CCDC192: variants seen among roughly 807,000 people sequenced by gnomAD.
CCDC192 encodes coiled-coil domain containing 192.
At chr5:127,880,465 G>A (rs1421060234) in intron 6 of CCDC192, among the ~76,000 whole-genome samples, 2 of 107,340 alleles carry the variant, frequency 1.9e-5, no homozygotes, top group African/African-American at 7.1e-5. Context: ...GGTGGGGGGA[G>A]GGGGGAGGGA....
intron 2 of CCDC192, among the ~76,000 whole-genome samples, chr5:127,708,635 A>G (rs1056791206): frequency 4.0e-5 from 6 of 151,850 alleles, no homozygotes; most frequent in Admixed American, 6.7e-5. Context: ...CTTTGTGATG[A>G]TAGCCAAGTC....
intron 6 of CCDC192, among the ~76,000 whole-genome samples, chr5:127,889,733 C>T (rs1432155856): frequency 6.6e-6 from 1 of 152,212 alleles, no homozygotes; most frequent in Non-Finnish European, 1.5e-5. Context: ...ATTGGCCTCC[C>T]TACCCCAGTT....
At chr5:127,929,563 T>C (rs1184520974) in intron 6 of CCDC192, among the ~76,000 whole-genome samples, 1 of 152,194 alleles carries the variant, frequency 6.6e-6, no homozygotes, top group Non-Finnish European at 1.5e-5. Context: ...TAAATCAAAA[T>C]AACTTGTACC....
At chr5:127,936,979 A>G (rs1754204456) in intron 6 of CCDC192, among the ~76,000 whole-genome samples, 1 of 152,178 alleles carries the variant, frequency 6.6e-6, no homozygotes, top group African/African-American at 2.4e-5. Flanking sequence ...GATTCTAGAA[A>G]ACTCACTGGG....
In CCDC192 at chr5:127,749,911, A is replaced by G. The variant is rs1462679862; in HGVS notation, c.115-4357A>G. On this transcript the variant is annotated intron_variant, in intron 2 of 6. Transcript: ENST00000514853. ...CTAGTTTATTTGCGTAGAGGTGTTT[A>G]TAGTATTCTCTGATGGTAGTTTGTA... 8.5e-5 allele frequency among the ~76,000 whole-genome samples: 13 copies of G among 152,176 alleles called. No homozygotes were observed. The East Asian group carries it at 2.3e-3, about 27-fold the overall frequency.
intron 2 of CCDC192, among the ~76,000 whole-genome samples, chr5:127,713,697 T>C (rs1751465570): frequency 6.6e-6 from 1 of 152,208 alleles, no homozygotes; most frequent in Non-Finnish European, 1.5e-5. Context: ...GATTTTTTCC[T>C]GTTGTTTTCA....
chr5:127,897,989 T>C (rs2127163218), intron 6 of CCDC192, among the ~76,000 whole-genome samples: 1 of 152,338 alleles, frequency 6.6e-6, no homozygotes, highest in East Asian at 1.9e-4. Context: ...TCACTTTGGC[T>C]TTATGATTAA....
chr5:127,840,624 G>A (rs544239218), intron 5 of CCDC192, among the ~76,000 whole-genome samples: 1 of 152,028 alleles, frequency 6.6e-6, no homozygotes, highest in Non-Finnish European at 1.5e-5. Context: ...TTATTAAATT[G>A]TTAAATTATT....
At chr5:127,896,074 G>A (rs1039874643) in intron 6 of CCDC192, among the ~76,000 whole-genome samples, 2 of 152,154 alleles carry the variant, frequency 1.3e-5, no homozygotes, top group East Asian at 3.9e-4. Flanking sequence ...GTATGTCTGT[G>A]TTGAGATGCA....
At chr5:127,714,301 A>G (rs1751498586) in intron 2 of CCDC192, among the ~76,000 whole-genome samples, 1 of 152,208 alleles carries the variant, frequency 6.6e-6, no homozygotes, top group Non-Finnish European at 1.5e-5. Flanking sequence ...TGCAACAAAC[A>G]TGAGTGTGCA....
intron 3 of CCDC192, among the ~76,000 whole-genome samples, chr5:127,754,751 A>C (rs1754479618): frequency 6.6e-6 from 1 of 152,264 alleles, no homozygotes; most frequent in South Asian, 2.1e-4. Flanking sequence ...AGATAAAATA[A>C]AGCCTATTGG....
chr5:127,724,395 G>A (rs1026336984), intron 2 of CCDC192, among the ~76,000 whole-genome samples: 4 of 152,076 alleles, frequency 2.6e-5, no homozygotes, highest in African/African-American at 9.7e-5. Context: ...AATTATAGCA[G>A]CATTGAGTTT....
intron 6 of CCDC192, among the ~76,000 whole-genome samples, chr5:127,884,936 C>T (rs1752506131): frequency 6.6e-6 from 1 of 152,068 alleles, no homozygotes; most frequent in Non-Finnish European, 1.5e-5. Context: ...AAAAGATCTA[C>T]CCTGAAATTT....
intron 2 of CCDC192, among the ~76,000 whole-genome samples, chr5:127,719,890 A>G (rs983326900): frequency 6.6e-6 from 1 of 151,526 alleles, no homozygotes; most frequent in African/African-American, 2.4e-5. Context: ...CTCACTTACT[A>G]TCATGAGAAC....
intron 5 of CCDC192, among the ~76,000 whole-genome samples, chr5:127,839,272 T>C (rs1211916322): frequency 2.0e-5 from 3 of 152,194 alleles, no homozygotes; most frequent in Non-Finnish European, 4.4e-5. Flanking sequence ...TTCAAAGTCA[T>C]GTTATCACAG....
At chr5:127,780,438 A>G (rs1422053368) in intron 3 of CCDC192, among the ~76,000 whole-genome samples, 1 of 152,226 alleles carries the variant, frequency 6.6e-6, no homozygotes, top group Non-Finnish European at 1.5e-5. Flanking sequence ...CATTCTCACC[A>G]GCAGTGTAGA....
At chr5:127,819,200 A>T (rs1749172757) in intron 5 of CCDC192, among the ~76,000 whole-genome samples, 1 of 152,130 alleles carries the variant, frequency 6.6e-6, no homozygotes, top group African/African-American at 2.4e-5. Flanking sequence ...CATTGAAAGC[A>T]AGGAGGGTAC....
At chr5:127,821,313 A>G (rs1394151280) in intron 5 of CCDC192, among the ~76,000 whole-genome samples, 3 of 152,236 alleles carry the variant, frequency 2.0e-5, no homozygotes, top group African/African-American at 7.2e-5. Context: ...TGCCACTGAC[A>G]GAGGTTATGT....
At chr5:127,774,128 G>A (rs986873932) in intron 3 of CCDC192, among the ~76,000 whole-genome samples, 1 of 151,884 alleles carries the variant, frequency 6.6e-6, no homozygotes, top group Non-Finnish European at 1.5e-5. Context: ...TTTTGTTGCC[G>A]AATTGTAAGT....
Sources: gnomAD v4.1 joint callset for allele counts (sites outside exome capture counted in the v4.1 genomes callset) on GRCh38, gnomAD v4.1.1 for gene constraint, MANE v1.5 for transcripts, NCBI Gene and HGNC (gene_info 2026-07-23, HGNC 2026-07-21) for gene names.